The following EXOC2 variants were observed in gnomAD, a reference collection of about 807,000 sequenced individuals.
EXOC2 encodes SEC5-like 1.
EXOC2 carries 70 observed loss-of-function variants against 131.8 expected under a neutral mutation model. That is an observed-to-expected ratio of 0.53 (90% confidence interval 0.44 to 0.65). The LOEUF is 0.65. Ranked by LOEUF, EXOC2 falls within the 30% of genes least tolerant of loss-of-function variation. EXOC2 has a pLI of 0.00. For synonymous variants in EXOC2, 411 were observed against 398.4 expected, an observed-to-expected ratio of 1.03 and a Z score of -0.38; for missense variants, 923 against 1,108.6, an observed-to-expected ratio of 0.83 and a Z score of 2.38.
intron 1 of EXOC2, among the ~76,000 whole-genome samples, chr6:691,835 T>C (rs1168761102): frequency 6.6e-6 from 1 of 152,248 alleles, no homozygotes; most frequent in East Asian, 1.9e-4. Context: ...GGGGGAACTC[T>C]GCTTCTCTGC....
intron 8 of EXOC2, 59 bp from the exon 9 acceptor site, chr6:599,000 T>A: frequency 6.4e-7 from 1 of 1,565,510 alleles, no homozygotes; most frequent in Non-Finnish European, 8.7e-7. Context: ...GACATTTGGT[T>A]AATATAAAAA....
intron 25 of EXOC2, 106 bp from the exon 26 acceptor site, chr6:491,292 T>G (rs1763419284): frequency 8.8e-7 from 1 of 1,133,596 alleles, no homozygotes; most frequent in Non-Finnish European, 1.3e-6. Flanking sequence ...AGGATGGGGT[T>G]GGCGTAATAC....
At chr6:592,665 A>AT (rs1319307634) in intron 10 of EXOC2, 78 bp from the exon 11 acceptor site, 1 of 972,072 alleles carries the variant, frequency 1.0e-6, no homozygotes, top group East Asian at 2.5e-5. Flanking sequence ...AAAGGCTAAA[A>AT]TTTTATCAAT....
Position 564,673 on chromosome 6 carries a change from C to T in EXOC2, c.1539G>A (p.Leu513=). The T allele has an allele frequency of 1.2e-6, 2 of 1,604,828 alleles. No individual in the cohort carries two copies. The highest frequency in any genetic ancestry group is 1.7e-6 in the Non-Finnish European group (2 of 1,175,536). The change falls in exon 15 of 28, where the codon CTG becomes CTA. Residue 513 remains leucine (L), a synonymous_variant. Transcript: ENST00000230449. ...KKMIQEVMHS[L]VKLTRGALLP... ...GCAGGGCTCCGCGGGTAAGCTTCAC[C>T]AGGGAGTGCATTACTTCCTGAATCA...
chr6:644,497 T>C (rs913912925), intron 1 of EXOC2, among the ~76,000 whole-genome samples: 1 of 152,146 alleles, frequency 6.6e-6, no homozygotes, highest in African/African-American at 2.4e-5. Context: ...CTAGAAGTTC[T>C]AGCAGTGCAA....
chr6:547,422 T>A (rs534401532), intron 22 of EXOC2, among the ~76,000 whole-genome samples: 1 of 152,324 alleles, frequency 6.6e-6, no homozygotes, highest in East Asian at 1.9e-4. Flanking sequence ...GGTCCCCCTA[T>A]GAGAGACCCT....
intron 13 of EXOC2, among the ~76,000 whole-genome samples, chr6:566,307 A>G (rs1166097155): frequency 1.3e-5 from 2 of 152,156 alleles, no homozygotes; most frequent in Admixed American, 6.5e-5. Flanking sequence ...CTACATTAAG[A>G]AGAAGGAATG....
intron 1 of EXOC2, among the ~76,000 whole-genome samples, chr6:645,239 A>T (rs1250344285): frequency 2.1e-5 from 3 of 142,658 alleles, no homozygotes; most frequent in African/African-American, 5.1e-5. Context: ...ATAGCTACAT[A>T]AAAAAAAAAA....
intron 7 of EXOC2, among the ~76,000 whole-genome samples, chr6:609,343 T>C (rs1760595238): frequency 6.6e-6 from 1 of 152,262 alleles, no homozygotes; most frequent in Non-Finnish European, 1.5e-5. Flanking sequence ...TTGTACATTA[T>C]ATTTAAACCT....
chr6:510,087 G>A (rs1053847038), intron 23 of EXOC2, among the ~76,000 whole-genome samples: 2 of 151,420 alleles, frequency 1.3e-5, no homozygotes, highest in South Asian at 2.1e-4. Flanking sequence ...ACACATTATC[G>A]AAATTACTGC....
At chr6:598,807 A>C in intron 9 of EXOC2, 53 bp downstream of exon 9, 1 of 1,422,320 alleles carries the variant, frequency 7.0e-7, no homozygotes, top group Non-Finnish European at 9.8e-7. Context: ...CACATTCCAC[A>C]TTCTTCCTAT....
chr6:544,817 T>C (rs1232776791), intron 22 of EXOC2, among the ~76,000 whole-genome samples: 1 of 152,196 alleles, frequency 6.6e-6, no homozygotes, highest in African/African-American at 2.4e-5. Context: ...TCCACACCTT[T>C]CACGCCGGAG....
chr6:583,449 T>C (rs947288846), intron 11 of EXOC2, among the ~76,000 whole-genome samples: 1 of 152,152 alleles, frequency 6.6e-6, no homozygotes, highest in African/African-American at 2.4e-5. Context: ...TAAAAAAGAT[T>C]ATTCATTGTA....
At chr6:502,894 A>C (rs566023841) in intron 23 of EXOC2, among the ~76,000 whole-genome samples, 1 of 152,342 alleles carries the variant, frequency 6.6e-6, no homozygotes, top group East Asian at 1.9e-4. Context: ...GAAAAAGAGA[A>C]GGGAAAAATG....
chr6:518,353 C>A (rs77341285), intron 23 of EXOC2, among the ~76,000 whole-genome samples: 1 of 152,080 alleles, frequency 6.6e-6, no homozygotes, highest in East Asian at 1.9e-4. Context: ...TCAGACTGTT[C>A]GGTTTGGAGA....
intron 12 of EXOC2, among the ~76,000 whole-genome samples, chr6:575,338 T>C (rs1274074259): frequency 6.6e-6 from 1 of 152,250 alleles, no homozygotes; most frequent in East Asian, 1.9e-4. Flanking sequence ...CAGTGATATT[T>C]GCTTCAGCCT....
intron 7 of EXOC2, among the ~76,000 whole-genome samples, chr6:605,470 A>G (rs934649145): frequency 2.2e-4 from 33 of 152,048 alleles, no homozygotes; most frequent in African/African-American, 7.5e-4. Flanking sequence ...TTTCTTCTAG[A>G]TTTTCTAGTT....
At chr6:581,000 A>C (rs1758860363) in intron 11 of EXOC2, among the ~76,000 whole-genome samples, 1 of 152,198 alleles carries the variant, frequency 6.6e-6, no homozygotes, top group Admixed American at 6.5e-5. Context: ...AGCAATAAAA[A>C]AGTAACAGTG....
chr6:570,136 C>CTTT (rs11423850), intron 13 of EXOC2, among the ~76,000 whole-genome samples: 9 of 139,962 alleles, frequency 6.4e-5, no homozygotes, highest in East Asian at 2.1e-4. Context: ...AATTCTTTCT[C>CTTT]TTTTTTTTTT....
Sources: gnomAD v4.1 joint callset for allele counts (sites outside exome capture counted in the v4.1 genomes callset) on GRCh38, gnomAD v4.1.1 for gene constraint, MANE v1.5 for transcripts, NCBI Gene and HGNC (gene_info 2026-07-23, HGNC 2026-07-21) for gene names.